PAPPA2: variants seen among roughly 807,000 people sequenced by gnomAD.
The protein encoded by PAPPA2 is pappalysin-2.
PAPPA2 carries 86 observed loss-of-function variants against 176.4 expected under a neutral mutation model. That is an observed-to-expected ratio of 0.49 (90% CI 0.41 to 0.58). The LOEUF is 0.58. Ranked by LOEUF, PAPPA2 falls within the 20% of genes least tolerant of loss-of-function variation. PAPPA2 has a pLI of 0.00. For missense variants in PAPPA2, 2,073 were observed against 2,256.9 expected (o/e 0.92, Z 1.65); for synonymous variants, 809 against 852.2 (o/e 0.95, Z 0.88).
chr1:176,475,314 C>G (rs1200097981), intron 1 of PAPPA2, among the ~76,000 whole-genome samples: 1 of 152,162 alleles, frequency 6.6e-6, no homozygotes, highest in African/African-American at 2.4e-5. Context: ...ATGAGTATGA[C>G]TTGGCTTACA....
chr1:176,745,816 TG>T (rs1336407738), intron 14 of PAPPA2, among the ~76,000 whole-genome samples: 1 of 152,102 alleles, frequency 6.6e-6, no homozygotes, highest in Non-Finnish European at 1.5e-5. Flanking sequence ...CAGAATGGAA[TG>T]GGGCTGGTAG....
intron 14 of PAPPA2, among the ~76,000 whole-genome samples, chr1:176,763,343 C>G (rs1273661427): frequency 2.0e-5 from 3 of 152,156 alleles, no homozygotes; most frequent in African/African-American, 7.2e-5. Flanking sequence ...GGTTCTTATA[C>G]CACTGGTACT....
At chr1:176,656,536 A>C (rs1305123072) in intron 3 of PAPPA2, among the ~76,000 whole-genome samples, 1 of 151,888 alleles carries the variant, frequency 6.6e-6, no homozygotes, top group Non-Finnish European at 1.5e-5. Flanking sequence ...GCATTACACC[A>C]GGTTTAAAAA....
chr1:176,794,198 G>T (rs1467090275), intron 20 of PAPPA2, among the ~76,000 whole-genome samples: 10 of 152,142 alleles, frequency 6.6e-5, no homozygotes, highest in Admixed American at 6.6e-4. Context: ...TAGGTAGTCT[G>T]GCGTTTTGAT....
chr1:176,467,978 G>A (rs566760655), intron 1 of PAPPA2, among the ~76,000 whole-genome samples: 17 of 152,306 alleles, frequency 1.1e-4, no homozygotes, highest in Non-Finnish European at 2.4e-4. Context: ...GCTGGCTGGG[G>A]AGAGTAAGAG....
At position 176,769,766 on chromosome 1, in the gene PAPPA2, C is replaced by G; in HGVS notation, c.4483C>G (p.Pro1495Ala). 1 of 1,607,604 alleles carries G rather than the reference C, an allele frequency of 6.2e-7. No homozygotes were observed. The highest frequency in any genetic ancestry group is 8.5e-7 in the Non-Finnish European group (1 of 1,178,142). The change falls in exon 16 of 23, where the codon CCA (proline) becomes GCA (alanine). Residue 1495 changes from proline (P) to alanine (A), a missense_variant. This residue lies in a region of PAPPA2 where 846 missense variants were observed against 857.9 expected (regional missense o/e 0.99). Transcript: ENST00000367662. ...FLKRCSISCV[P>A]PAKLQGLSPW... ...GAAACGCTGCTCAATCTCTTGTGTCCCACCAGCCAAGCTGCAAGGTATTGT... is the reference window on the plus strand; with the variant it reads ...GAAACGCTGCTCAATCTCTTGTGTCGCACCAGCCAAGCTGCAAGGTATTGT...
At chr1:176,777,055 C>T (rs1478697820) in intron 17 of PAPPA2, among the ~76,000 whole-genome samples, 1 of 151,996 alleles carries the variant, frequency 6.6e-6, no homozygotes, top group African/African-American at 2.4e-5. Context: ...CAGCAAATCA[C>T]TTCATTTCTC....
chr1:176,805,525 C>G (rs1254838689), intron 21 of PAPPA2, among the ~76,000 whole-genome samples: 1 of 152,182 alleles, frequency 6.6e-6, no homozygotes, highest in African/African-American at 2.4e-5. Context: ...TAGCTATGCG[C>G]AGTACCTGTC....
At position 176,800,117 on chromosome 1, in the gene PAPPA2, C is replaced by T; in HGVS notation, c.5187C>T (p.Cys1729=). The T allele has an allele frequency of 2.5e-6, 4 of 1,614,064 alleles. No individual in the cohort carries two copies. Among genetic ancestry groups the T allele is most frequent in the Non-Finnish European group, 3.4e-6 (4 of 1,179,960 alleles). Residue 1729 remains cysteine (C), a synonymous_variant, in exon 21 of 23, where the codon TGC becomes TGT. Coordinates refer to ENST00000367662, the MANE Select transcript of PAPPA2 (RefSeq NM_020318.3). ...ACCCAGACCCCGTCTTAGTCCACTG[C>T]ATCCAGTCATGTGAGGTAAGATAGC... ...QWHPDPVLVH[C]IQSCEPFQAD...
At chr1:176,747,125 C>T (rs1008183212) in intron 14 of PAPPA2, among the ~76,000 whole-genome samples, 1 of 152,128 alleles carries the variant, frequency 6.6e-6, no homozygotes, top group African/African-American at 2.4e-5. Flanking sequence ...TTTCAGAAAT[C>T]GATTCATGTC....
intron 21 of PAPPA2, among the ~76,000 whole-genome samples, chr1:176,816,850 TTC>T (rs889059276): frequency 5.3e-4 from 81 of 152,292 alleles, no homozygotes; most frequent in African/African-American, 1.9e-3. Flanking sequence ...TTGCTGTTTT[TTC>T]TCTCTGTTGT....
intron 1 of PAPPA2, among the ~76,000 whole-genome samples, chr1:176,540,858 C>T (rs1013416179): frequency 2.6e-5 from 4 of 152,114 alleles, no homozygotes; most frequent in Non-Finnish European, 5.9e-5. Context: ...ACTAGAGCCT[C>T]CCCACCATGG....
chr1:176,641,735 A>G (rs1225941064), intron 3 of PAPPA2, among the ~76,000 whole-genome samples: 1 of 151,806 alleles, frequency 6.6e-6, no homozygotes, highest in African/African-American at 2.4e-5. Context: ...CTATTTTTTG[A>G]CCATGAAATC....
intron 3 of PAPPA2, among the ~76,000 whole-genome samples, chr1:176,637,818 C>T (rs1367643227): frequency 1.3e-5 from 2 of 152,094 alleles, no homozygotes; most frequent in Non-Finnish European, 2.9e-5. Context: ...TCTGCCTACT[C>T]TTTTGCTTCT....
rs1652387538 is a variant in PAPPA2 at position 176,572,225 on chromosome 1, G to T, written c.919+14984G>T. 2.0e-5 allele frequency among the ~76,000 whole-genome samples: 3 copies of T among 152,290 alleles called. No individual in the cohort carries two copies. The South Asian group carries it at 6.2e-4, about 32-fold the overall frequency. On this transcript the variant is annotated intron_variant, in intron 2 of 22. Transcript: ENST00000367662. ...AGCAGAAGAAAACATTTTAGAAGGA[G>T]TTTCAATAAGAAAATGTATGGCTTT...
intron 4 of PAPPA2, among the ~76,000 whole-genome samples, chr1:176,672,870 G>C (rs1454701906): frequency 6.6e-6 from 1 of 152,142 alleles, no homozygotes; most frequent in Admixed American, 6.6e-5. Flanking sequence ...CAGTACATGA[G>C]AAATCAGAAA....
chr1:176,550,291 T>C (rs1558429570), intron 1 of PAPPA2, among the ~76,000 whole-genome samples: 1 of 152,238 alleles, frequency 6.6e-6, no homozygotes, highest in Non-Finnish European at 1.5e-5. Flanking sequence ...AAAGAATGCA[T>C]ACAAATGTGG....
Position 176,572,317 on chromosome 1 carries a change from CAG to C in PAPPA2, c.919+15077_919+15078del, listed in dbSNP as rs529486756. Among the ~76,000 whole-genome samples, 174 of 152,294 alleles carry C rather than the reference CAG, an allele frequency of 1.1e-3. 1 individual carries two copies. Among genetic ancestry groups the C allele is most frequent in the Admixed American group, 9.3e-3 (142 of 15,300 alleles). On this transcript the variant is annotated intron_variant, in intron 2 of 22. Transcript: ENST00000367662. Reference sequence around the variant, plus strand: ...TTCCTTGACCTTTCTCTTTCTCACTCAGGGGCCAAGCAGCCAAAGCTATTGCA... The same window carrying C: ...TTCCTTGACCTTTCTCTTTCTCACTCGGGCCAAGCAGCCAAAGCTATTGCA...
At chr1:176,534,780 A>T (rs1558421734) in intron 1 of PAPPA2, among the ~76,000 whole-genome samples, 1 of 152,210 alleles carries the variant, frequency 6.6e-6, no homozygotes. Flanking sequence ...AAACTTTGTG[A>T]ATCATGTGCT....
Sources: allele counts gnomAD v4.1 joint callset (sites outside exome capture counted in the v4.1 genomes callset), GRCh38; gene constraint gnomAD v4.1.1; regional missense constraint gnomAD v4.1.1; transcripts MANE v1.5; gene names NCBI Gene and HGNC (gene_info 2026-07-23, HGNC 2026-07-21).